MMD2: variants seen among roughly 807,000 people sequenced by gnomAD.
The protein encoded by MMD2 is monocyte to macrophage differentiation associated 2.
A neutral mutation model predicts 33.5 loss-of-function variants in MMD2; 30 were observed. The ratio of observed to expected loss-of-function variants is 0.90; its 90% CI spans 0.67 to 1.22. The LOEUF is 1.22. MMD2 is among the 50% of genes most tolerant of loss of function. The pLI is 0.00. For synonymous variants in MMD2, 129 were observed against 123.0 expected (o/e 1.05, Z -0.32); for missense variants, 364 against 325.4 (o/e 1.12, Z -0.91).
intron 1 of MMD2, among the ~76,000 whole-genome samples, chr7:4,935,163 G>A (rs1785703483): frequency 6.6e-6 from 1 of 151,836 alleles, no homozygotes; most frequent in Admixed American, 6.6e-5. Flanking sequence ...TCCAGCCTGG[G>A]AGACAGAGCG....
chr7:4,898,409 A>G, the MMD2 span, among the ~76,000 whole-genome samples: 32 of 152,232 alleles, frequency 2.1e-4, no homozygotes, highest in Admixed American at 1.0e-3. Flanking sequence ...TTCAGAACTT[A>G]GGATTTAGAC....
rs1342756847 is a variant in MMD2 at position 4,946,932 on chromosome 7, G to T, written c.47+12039C>A. On this transcript the variant is annotated intron_variant, in intron 1 of 6. Transcript: ENST00000401401. This position sits in a 1 kb window ranked among gnomAD's most constrained non-coding sequence, Gnocchi z 5.0. ...CATAAAGAAAAGGAGTTTAGGCTGG[G>T]TGTGGTGGCTCATACCTGTAATCCC... Among the ~76,000 whole-genome samples, 1 of 152,150 alleles carries T rather than the reference G, an allele frequency of 6.6e-6. No individual in the cohort carries two copies. The highest frequency in any genetic ancestry group is 2.4e-5 in the African/African-American group (1 of 41,442).
At chr7:4,918,876 T>C (rs1234160951) in intron 3 of MMD2, among the ~76,000 whole-genome samples, 1 of 151,854 alleles carries the variant, frequency 6.6e-6, no homozygotes, top group Non-Finnish European at 1.5e-5. Context: ...GGAGGGCAGA[T>C]CGCCTGAGCC....
chr7:4,954,768 T>C (rs1786340134), intron 1 of MMD2, among the ~76,000 whole-genome samples: 1 of 152,174 alleles, frequency 6.6e-6, no homozygotes, highest in African/African-American at 2.4e-5. Flanking sequence ...TTTTTATGAT[T>C]TGTACTTTAT....
chr7:4,907,687 A>G, intron 6 of MMD2, 88 bp from the exon 7 acceptor site: 2 of 1,362,884 alleles, frequency 1.5e-6, no homozygotes, highest in Admixed American at 3.6e-5. Flanking sequence ...CCCAAAACCA[A>G]AAGACATGCA....
chr7:4,956,654 A>C (rs1786388837), intron 1 of MMD2, among the ~76,000 whole-genome samples: 1 of 152,154 alleles, frequency 6.6e-6, no homozygotes, highest in Non-Finnish European at 1.5e-5. Context: ...CAGCCAGCGC[A>C]AGTGTCCAAA....
intron 1 of MMD2, among the ~76,000 whole-genome samples, chr7:4,936,134 G>A (rs1165246711): frequency 6.8e-6 from 1 of 147,738 alleles, no homozygotes; most frequent in Non-Finnish European, 1.5e-5. Flanking sequence ...CCTATGAGCT[G>A]AGATCGTGCC....
In MMD2 at chr7:4,920,289, A is replaced by T. The variant is rs527995325; in HGVS notation, c.172T>A (p.Phe58Ile). 2 of 1,609,134 alleles carry T rather than the reference A, an allele frequency of 1.2e-6. No homozygotes were observed. The highest frequency in any genetic ancestry group is 1.7e-6 in the Non-Finnish European group (2 of 1,178,062). The stretch of plus-strand genomic sequence containing the variant: ...GTCTCCCAGTCATCGTCCGACAGGA[A>T]GTAGAGGTTGGAGCTGCCCAGGATG... ...PSILGSSNLY[F>I]LSDDDWETIS... The change falls in exon 3 of 7, where the codon TTC (phenylalanine) becomes ATC (isoleucine). Residue 58 changes from phenylalanine (F) to isoleucine (I), a missense_variant. Physicochemically the swap from Phe to Ile is conservative, Grantham distance 21. Transcript: ENST00000401401.
At chr7:4,945,249 T>TTCTTCTTCTTCTTC (rs1491219177) in intron 1 of MMD2, among the ~76,000 whole-genome samples, 7 of 144,200 alleles carry the variant, frequency 4.9e-5, no homozygotes, top group South Asian at 4.5e-4. Context: ...CCTCTCTCTC[T>TTCTTCTTCTTCTTC]TTCTTTCCCT....
At chr7:4,915,898 A>C in intron 4 of MMD2, 107 bp downstream of exon 4, 4 of 1,130,866 alleles carry the variant, frequency 3.5e-6, no homozygotes, top group Non-Finnish European at 5.2e-6. Context: ...TTTTAACCTA[A>C]CTCCTTTGTG....
At chr7:4,941,727 G>T (rs1238401914) in intron 1 of MMD2, among the ~76,000 whole-genome samples, 1 of 151,356 alleles carries the variant, frequency 6.6e-6, no homozygotes, top group Non-Finnish European at 1.5e-5. Context: ...TTAGGTTCAG[G>T]GGTACATGTG....
At chr7:4,904,338 T>C (rs1244675202), downstream of MMD2, among the ~76,000 whole-genome samples, 1 of 152,136 alleles carries the variant, frequency 6.6e-6, no homozygotes, top group Non-Finnish European at 1.5e-5. Flanking sequence ...TTTCCTGCAC[T>C]ACTTAGGATA....
intron 6 of MMD2, chr7:4,909,677 C>A: frequency 1.3e-6 from 1 of 753,570 alleles, no homozygotes; most frequent in Admixed American, 2.0e-5. Context: ...CTCAAACTAT[C>A]CTCCCACCTC....
At chr7:4,915,949 C>T (rs971392546) in intron 4 of MMD2, 56 bp downstream of exon 4, 1 of 1,556,026 alleles carries the variant, frequency 6.4e-7, no homozygotes, top group Non-Finnish European at 8.8e-7. Flanking sequence ...AAAATAAATT[C>T]AAACAATGAA....
intron 1 of MMD2, among the ~76,000 whole-genome samples, chr7:4,947,678 C>T (rs1163859172): frequency 3.0e-5 from 4 of 131,956 alleles, no homozygotes; most frequent in East Asian, 2.3e-4. Flanking sequence ...CAGGTGTGAG[C>T]GACTGCACCT....
At chr7:4,926,537 A>G (rs934171552) in intron 1 of MMD2, among the ~76,000 whole-genome samples, 1 of 151,854 alleles carries the variant, frequency 6.6e-6, no homozygotes, top group African/African-American at 2.4e-5. Flanking sequence ...ACCCCCAAGA[A>G]AGTGCCCAGT....
the MMD2 span, among the ~76,000 whole-genome samples, chr7:4,893,559 T>C: frequency 2.7e-5 from 4 of 150,912 alleles, no homozygotes; most frequent in African/African-American, 9.8e-5. Flanking sequence ...ACCCGGCCAA[T>C]TTTTGTATTT....
chr7:4,947,994 G>A (rs750981634), intron 1 of MMD2, among the ~76,000 whole-genome samples: 16 of 151,234 alleles, frequency 1.1e-4, no homozygotes, highest in African/African-American at 1.7e-4. Context: ...CACCGCGCCC[G>A]GCCACTACAC....
chr7:4,916,874 C>T (rs760649741), intron 3 of MMD2, among the ~76,000 whole-genome samples: 2 of 152,010 alleles, frequency 1.3e-5, no homozygotes, highest in Non-Finnish European at 2.9e-5. Flanking sequence ...AGTTGGAAAC[C>T]AGCCTGGGCA....
Sources: allele counts gnomAD v4.1 joint callset (sites outside exome capture counted in the v4.1 genomes callset), GRCh38; gene constraint gnomAD v4.1.1; non-coding constraint Gnocchi (gnomAD v3.1); transcripts MANE v1.5; gene names NCBI Gene and HGNC (gene_info 2026-07-23, HGNC 2026-07-21).